MAPK10: variants seen among roughly 807,000 people sequenced by gnomAD.
MAPK10 encodes the protein mitogen-activated protein kinase 10.
MAPK10 carries 25 observed loss-of-function variants against 59.3 expected under a neutral mutation model. That is an observed-to-expected ratio of 0.42 (90% CI 0.31 to 0.59). The LOEUF is 0.59. Ranked by LOEUF, MAPK10 falls within the 20% of genes least tolerant of loss-of-function variation. The probability of loss-of-function intolerance (pLI) is 0.15; values close to 1 mark genes in which losing one functional copy is unlikely to be tolerated. For missense variants in MAPK10, 351 were observed against 568.9 expected (o/e 0.62, Z 3.90); for synonymous variants, 190 against 200.5 (o/e 0.95, Z 0.44).
intron 1 of MAPK10, among the ~76,000 whole-genome samples, chr4:86,506,824 C>T (rs1755773631): frequency 6.6e-6 from 1 of 152,128 alleles, no homozygotes; most frequent in Non-Finnish European, 1.5e-5. Flanking sequence ...AGAAATTCCT[C>T]TTCTCCAGCA....
chr4:86,572,884 CTAAT>C (rs1289889697), intron 1 of MAPK10, among the ~76,000 whole-genome samples: 1 of 152,096 alleles, frequency 6.6e-6, no homozygotes, highest in Non-Finnish European at 1.5e-5. Context: ...TTGCATTTTC[CTAAT>C]TAATAATTTC....
intron 4 of MAPK10, among the ~76,000 whole-genome samples, chr4:86,107,889 A>G (rs550492503): frequency 1.3e-5 from 2 of 152,242 alleles, no homozygotes; most frequent in East Asian, 3.9e-4. Flanking sequence ...TTAGAAACAG[A>G]GTCTTGCTAT....
chr4:86,540,431 C>T (rs551070878), intron 1 of MAPK10, among the ~76,000 whole-genome samples: 29 of 151,890 alleles, frequency 1.9e-4, no homozygotes, highest in East Asian at 5.9e-4. Flanking sequence ...GCCCAGGAGG[C>T]GGAGGTTGCA....
intron 1 of MAPK10, among the ~76,000 whole-genome samples, chr4:86,438,690 CAAAA>C (rs201802038): frequency 1.6e-5 from 1 of 63,020 alleles, no homozygotes; most frequent in Non-Finnish European, 3.3e-5. Flanking sequence ...AACTCCATCT[CAAAA>C]AAAAAAAAAA....
chr4:86,071,162 A>G (rs918991073), intron 9 of MAPK10, among the ~76,000 whole-genome samples: 2 of 151,880 alleles, frequency 1.3e-5, no homozygotes, highest in Non-Finnish European at 2.9e-5. Flanking sequence ...GCATTTTTTC[A>G]TGTGTTTTTT....
chr4:86,522,664 A>G (rs1426498759), intron 1 of MAPK10, among the ~76,000 whole-genome samples: 1 of 152,104 alleles, frequency 6.6e-6, no homozygotes, highest in African/African-American at 2.4e-5. Flanking sequence ...AAATCCTTCC[A>G]TTCTAATTTT....
intron 1 of MAPK10, among the ~76,000 whole-genome samples, chr4:86,473,475 A>C (rs1044210123): frequency 1.3e-5 from 2 of 152,254 alleles, no homozygotes. Context: ...CAGAAAGTAC[A>C]GTAAGATTTA....
chr4:86,538,461 C>T (rs190962055), intron 1 of MAPK10, among the ~76,000 whole-genome samples: 10 of 152,272 alleles, frequency 6.6e-5, no homozygotes, highest in Non-Finnish European at 1.0e-4. Flanking sequence ...CCACTGCGCC[C>T]GGTCCAATAA....
intron 9 of MAPK10, chr4:86,091,245 T>A (rs1473236586): frequency 6.6e-6 from 1 of 151,380 alleles, no homozygotes; most frequent in Non-Finnish European, 1.5e-5. Flanking sequence ...GTTTATTTAT[T>A]TTAAATTTAC....
At chr4:86,037,160 G>A (rs1455040074) in intron 11 of MAPK10, among the ~76,000 whole-genome samples, 1 of 152,170 alleles carries the variant, frequency 6.6e-6, no homozygotes, top group Non-Finnish European at 1.5e-5. Flanking sequence ...ATTCTATGGA[G>A]TTCTTGCTGT....
At chr4:86,246,459 T>A (rs2148701852) in intron 2 of MAPK10, among the ~76,000 whole-genome samples, 1 of 152,238 alleles carries the variant, frequency 6.6e-6, no homozygotes, top group East Asian at 1.9e-4. Flanking sequence ...AACAACAACA[T>A]CAAGTTGTTA....
intron 1 of MAPK10, among the ~76,000 whole-genome samples, chr4:86,522,024 T>G (rs1757147567): frequency 6.6e-6 from 1 of 152,150 alleles, no homozygotes; most frequent in Non-Finnish European, 1.5e-5. Context: ...CCTACAGGGC[T>G]CTTCACACTG....
intron 2 of MAPK10, among the ~76,000 whole-genome samples, chr4:86,195,952 T>A (rs2081207724): frequency 6.6e-6 from 1 of 152,270 alleles, no homozygotes; most frequent in Non-Finnish European, 1.5e-5. Context: ...TCATATTTTC[T>A]TCATCTAGTC....
At chr4:86,304,441 G>A (rs1366405744) in intron 2 of MAPK10, among the ~76,000 whole-genome samples, 3 of 139,298 alleles carry the variant, frequency 2.2e-5, no homozygotes, top group Non-Finnish European at 1.5e-5. Flanking sequence ...AGCCCAGGCC[G>A]GATTGCAGTG....
In MAPK10 at chr4:86,015,477, A is replaced by G. The variant is rs1432286111; in HGVS notation, c.*1751T>C. ...AATATCACCACTCTAGTGAGCACCA[A>G]CATGGTCAGAGTGCAAATAACTGTG... On this transcript the variant is annotated 3_prime_UTR_variant, in exon 14 of 14. Coordinates refer to ENST00000641462, the MANE Select transcript of MAPK10 (RefSeq NM_138982.4). 6.6e-6 allele frequency: 1 copy of G among 152,230 alleles called. No homozygotes were observed. The highest frequency in any genetic ancestry group is 1.5e-5 in the Non-Finnish European group (1 of 68,058). The allele number at this position is 152,230 out of a possible 1,614,324, so 9.4% of individuals were successfully genotyped here. A position where few individuals can be genotyped will look rare whatever the true frequency, so the allele number is the denominator to read the frequency against.
intron 1 of MAPK10, among the ~76,000 whole-genome samples, chr4:86,397,874 A>AC: frequency 6.6e-6 from 1 of 151,042 alleles, no homozygotes; most frequent in Non-Finnish European, 1.5e-5. Flanking sequence ...CAAAAAAAAA[A>AC]AAAAAAAAAA....
chr4:86,296,504 A>G (rs1564093606), intron 2 of MAPK10, among the ~76,000 whole-genome samples: 1 of 152,232 alleles, frequency 6.6e-6, no homozygotes. Flanking sequence ...AAATGGAACC[A>G]GCAGATAGAA....
At chr4:86,037,885 T>C (rs931173303) in intron 11 of MAPK10, among the ~76,000 whole-genome samples, 1 of 152,188 alleles carries the variant, frequency 6.6e-6, no homozygotes, top group African/African-American at 2.4e-5. Context: ...CTGGATAATT[T>C]GACACCTGTA....
rs138919566 is a variant in MAPK10 at position 86,545,277 on chromosome 4, G to A, written c.-263+48633C>T. Among the ~76,000 whole-genome samples the A allele has an allele frequency of 3.4e-3, 513 of 152,304 alleles. 1 individual carries two copies. The highest frequency in any genetic ancestry group is 0.012 in the African/African-American group (496 of 41,570). On this transcript the variant is annotated intron_variant, in intron 1 of 4. Transcript: ENST00000502302. ...GGTTAAAGGGTTGAGTCTGAAGAAT[G>A]AGCGCATGAAAAAATGTGATACTTT...
Sources: allele counts gnomAD v4.1 joint callset (sites outside exome capture counted in the v4.1 genomes callset), GRCh38; gene constraint gnomAD v4.1.1; transcripts MANE v1.5; gene names NCBI Gene and HGNC (gene_info 2026-07-23, HGNC 2026-07-21).